DOCK4: variants seen among roughly 807,000 people sequenced by gnomAD.
The protein encoded by DOCK4 is dedicator of cytokinesis 4.
Under a neutral mutation model 268.1 loss-of-function variants are expected in DOCK4, and 97 were observed. The observed-to-expected ratio is 0.36, with a 90% CI of 0.31 to 0.43. The LOEUF (loss-of-function observed/expected upper bound fraction) is 0.43. Ranked by LOEUF, DOCK4 falls within the 20% of genes least tolerant of loss-of-function variation. The pLI is 1.00. For missense variants in DOCK4, 2,145 were observed against 2,455.7 expected, an observed-to-expected ratio of 0.87 and a Z score of 2.67; for synonymous variants, 954 against 887.2, an observed-to-expected ratio of 1.08 and a Z score of -1.34.
intron 27 of DOCK4, 82 bp from the exon 28 acceptor site, chr7:111,812,031 T>C: frequency 2.7e-6 from 2 of 731,720 alleles, no homozygotes; most frequent in Non-Finnish European, 4.4e-6. Context: ...CCTACTAAGA[T>C]AAAATAAAAC....
chr7:112,008,209 C>T (rs938427847), intron 1 of DOCK4, among the ~76,000 whole-genome samples: 4 of 152,090 alleles, frequency 2.6e-5, no homozygotes, highest in Admixed American at 6.5e-5. Context: ...TTTTAAACTG[C>T]GTATAAAAAC....
intron 13 of DOCK4, among the ~76,000 whole-genome samples, chr7:111,903,477 T>C (rs1210837019): frequency 6.6e-6 from 1 of 152,258 alleles, no homozygotes; most frequent in African/African-American, 2.4e-5. Context: ...TTAAAAATTA[T>C]ATTTGTGTGC....
intron 4 of DOCK4, among the ~76,000 whole-genome samples, chr7:111,996,967 T>C (rs371434144): frequency 1.3e-4 from 20 of 152,198 alleles, no homozygotes; most frequent in African/African-American, 4.8e-4. Context: ...CACTGCAGAG[T>C]TGAGGGAGGT....
intron 32 of DOCK4, chr7:111,784,516 T>C (rs1585977622): frequency 1.1e-5 from 5 of 468,448 alleles, no homozygotes; most frequent in Non-Finnish European, 1.7e-5. Flanking sequence ...ATACATATTG[T>C]ACTATCTGTG....
At chr7:111,857,710 T>C (rs981268437) in intron 23 of DOCK4, among the ~76,000 whole-genome samples, 3 of 152,200 alleles carry the variant, frequency 2.0e-5, no homozygotes, top group Non-Finnish European at 4.4e-5. Flanking sequence ...CCTCGCGAAG[T>C]CCGGCAGACC....
intron 45 of DOCK4, 59 bp from the exon 46 acceptor site, chr7:111,741,720 T>C (rs936898487): frequency 1.8e-5 from 28 of 1,581,826 alleles, no homozygotes; most frequent in African/African-American, 1.8e-4. Context: ...AAATAACTTA[T>C]GAGACAGGTT....
chr7:111,984,091 C>T (rs1798851514), intron 7 of DOCK4, among the ~76,000 whole-genome samples: 1 of 152,072 alleles, frequency 6.6e-6, no homozygotes, highest in Non-Finnish European at 1.5e-5. Context: ...GGTGCCTGGG[C>T]GTTGAGGGCC....
In DOCK4 at chr7:111,778,265, G is replaced by T; in HGVS notation, c.3679+11C>A. The T allele has an allele frequency of 6.3e-7, 1 of 1,594,338 alleles. No homozygotes were observed. Among genetic ancestry groups the T allele is most frequent in the Non-Finnish European group, 8.6e-7 (1 of 1,162,916 alleles). On this transcript the variant is annotated intron_variant, in intron 36 of 52. Coordinates refer to ENST00000428084, the MANE Select transcript of DOCK4 (RefSeq NM_001363540.2). ...GCTCCCTTCCCAATCTGAGCCAAAA[G>T]ACAGAATTACCTGTAAAGTTCTGTG...
At chr7:112,179,381 T>TA (rs11300174) in intron 1 of DOCK4, among the ~76,000 whole-genome samples, 1 of 148,348 alleles carries the variant, frequency 6.7e-6, no homozygotes, top group Non-Finnish European at 1.5e-5. Flanking sequence ...GCCTGTACCT[T>TA]AAAAAAAAAA....
chr7:111,876,247 A>G (rs529680604), intron 17 of DOCK4, among the ~76,000 whole-genome samples: 2 of 152,328 alleles, frequency 1.3e-5, no homozygotes, highest in South Asian at 4.1e-4. Flanking sequence ...GTGTTTTAAA[A>G]GTGGTCAAAA....
chr7:111,816,641 A>G (rs1332304047), intron 27 of DOCK4, among the ~76,000 whole-genome samples: 1 of 152,176 alleles, frequency 6.6e-6, no homozygotes, highest in East Asian at 1.9e-4. Flanking sequence ...TTAGAGAACA[A>G]TGGCATCTGG....
intron 23 of DOCK4, among the ~76,000 whole-genome samples, chr7:111,847,520 A>C (rs904912093): frequency 1.3e-5 from 2 of 151,896 alleles, no homozygotes; most frequent in African/African-American, 4.8e-5. Context: ...TCCCCACCCA[A>C]ATTTCATCTT....
At position 111,728,052 on chromosome 7, in the gene DOCK4, A is replaced by C. The variant is rs1018116969; in HGVS notation, c.*222T>G. The C allele has an allele frequency of 2.5e-6, 1 of 406,692 alleles. No individual in the cohort carries two copies. The highest frequency in any genetic ancestry group is 3.6e-5 in the East Asian group (1 of 27,904). 25.2% of individuals were successfully genotyped at this position (406,692 alleles called of 1,614,324 possible). ...TATCACTATTTACCACTTCCAAATG[A>C]GAAACGTTTTAATGAAATTCAGCCA... On this transcript the variant is annotated 3_prime_UTR_variant, in exon 53 of 53. Coordinates refer to ENST00000428084, the MANE Select transcript of DOCK4 (RefSeq NM_001363540.2).
chr7:112,147,379 C>T (rs910520629), intron 1 of DOCK4, among the ~76,000 whole-genome samples: 1 of 152,188 alleles, frequency 6.6e-6, no homozygotes, highest in South Asian at 2.1e-4. Context: ...CTTAGAACCA[C>T]ATTTTAAGCA....
chr7:112,154,854 C>A (rs1035637150), intron 1 of DOCK4, among the ~76,000 whole-genome samples: 1 of 152,176 alleles, frequency 6.6e-6, no homozygotes, highest in Admixed American at 6.6e-5. Context: ...CATGCAATAG[C>A]GGGGAGCATT....
At chr7:111,828,286 C>T (rs2133996674) in intron 26 of DOCK4, among the ~76,000 whole-genome samples, 1 of 152,316 alleles carries the variant, frequency 6.6e-6, no homozygotes, top group Admixed American at 6.5e-5. Context: ...ATGCCTCTCA[C>T]ACACAAGTAA....
At chr7:112,193,958 G>A (rs1268853533) in intron 1 of DOCK4, among the ~76,000 whole-genome samples, 1 of 151,960 alleles carries the variant, frequency 6.6e-6, no homozygotes, top group African/African-American at 2.4e-5. Context: ...AAGAGAGCAT[G>A]TGAGCTCTCC....
chr7:111,874,144 C>CTA (rs1343897556), intron 17 of DOCK4, among the ~76,000 whole-genome samples: 4 of 152,138 alleles, frequency 2.6e-5, no homozygotes, highest in African/African-American at 7.2e-5. Context: ...GCCTCCCCTC[C>CTA]CTGGCATCTT....
rs772530634 is a variant in DOCK4, at chr7:111,767,091, G to A, written c.3856C>T (p.Arg1286Trp). 14 of 1,613,486 alleles carry A rather than the reference G, an allele frequency of 8.7e-6. No individual in the cohort carries two copies. Among genetic ancestry groups the A allele is most frequent in the Non-Finnish European group, 1.1e-5 (13 of 1,179,768 alleles). ...KCWENGIILCRKIAEQYESYY... is the reference protein window; with the variant it reads ...KCWENGIILCWKIAEQYESYY... The stretch of plus-strand genomic sequence containing the variant: ...CTCTCATACTGCTCTGCAATCTTCC[G>A]GCACAAGATAATGCCATTCTCCCAA... Residue 1286 changes from arginine (R) to tryptophan (W), a missense_variant, in exon 38 of 53, where the codon CGG (arginine) becomes TGG (tryptophan). By Grantham distance (101) the Arg-to-Trp change is moderately radical. Transcript: ENST00000428084.
Sources: gnomAD v4.1 joint callset for allele counts (sites outside exome capture counted in the v4.1 genomes callset) on GRCh38, gnomAD v4.1.1 for gene constraint, MANE v1.5 for transcripts, NCBI Gene and HGNC (gene_info 2026-07-23, HGNC 2026-07-21) for gene names.